The following RAP1B variants were observed in gnomAD, a reference collection of about 807,000 sequenced individuals.
RAP1B encodes RAP1B, member of RAS oncogene family.
A neutral mutation model predicts 27.5 loss-of-function variants in RAP1B; 1 was observed. The ratio of observed to expected loss-of-function variants is 0.04; its 90% CI spans 0.01 to 0.17. The LOEUF is 0.17. Ranked by LOEUF, RAP1B falls within the 10% of genes least tolerant of loss-of-function variation. RAP1B has a pLI of 1.00. For missense variants in RAP1B, 84 were observed against 214.8 expected, an observed-to-expected ratio of 0.39 and a Z score of 3.81; for synonymous variants, 75 against 73.1, an observed-to-expected ratio of 1.03 and a Z score of -0.13.
chr12:68,629,933 C>T (rs570056555), intron 1 of RAP1B, among the ~76,000 whole-genome samples: 2 of 152,300 alleles, frequency 1.3e-5, no homozygotes, highest in African/African-American at 2.4e-5. Flanking sequence ...CATCAGACAA[C>T]AGTGCTAGAT....
chr12:68,636,483 A>G (rs568288188), intron 1 of RAP1B, among the ~76,000 whole-genome samples: 38 of 152,300 alleles, frequency 2.5e-4, no homozygotes, highest in African/African-American at 8.4e-4. Context: ...GATAGAGTGC[A>G]GTAATGCAGT....
At chr12:68,617,637 A>G (rs1045048544) in intron 1 of RAP1B, among the ~76,000 whole-genome samples, 4 of 152,240 alleles carry the variant, frequency 2.6e-5, no homozygotes, top group African/African-American at 7.2e-5. Context: ...CAAAATGTGT[A>G]CTTTCCTTCT....
chr12:68,620,915 CTG>C (rs1273633929), intron 1 of RAP1B, among the ~76,000 whole-genome samples: 20 of 152,252 alleles, frequency 1.3e-4, no homozygotes, highest in Middle Eastern at 6.8e-3. Context: ...GATTTTTAGA[CTG>C]TGTTTGGATC....
intron 7 of RAP1B, chr12:68,657,856 TTCA>T (rs943771165): frequency 1.3e-5 from 2 of 155,140 alleles, no homozygotes; most frequent in Non-Finnish European, 2.8e-5. Flanking sequence ...CCCTGACATG[TTCA>T]TCATGTGCCA....
intron 1 of RAP1B, among the ~76,000 whole-genome samples, chr12:68,627,645 A>G (rs1871906401): frequency 6.6e-6 from 1 of 152,170 alleles, no homozygotes; most frequent in Non-Finnish European, 1.5e-5. Flanking sequence ...AATGTGACCC[A>G]TACCAGCCAA....
chr12:68,627,173 G>C (rs192673394), intron 1 of RAP1B: 1 of 1,557,402 alleles, frequency 6.4e-7, no homozygotes, highest in East Asian at 2.2e-5. Flanking sequence ...CACCTCGCAT[G>C]CCTGTTTGGA....
At chr12:68,638,335 ATGTCCG>A (rs976522139) in intron 1 of RAP1B, among the ~76,000 whole-genome samples, 16 of 152,126 alleles carry the variant, frequency 1.1e-4, no homozygotes, top group Non-Finnish European at 2.1e-4. Flanking sequence ...AGAGGATGTC[ATGTCCG>A]TGCCCTAATT....
chr12:68,638,658 C>CT (rs1872787252), intron 1 of RAP1B, among the ~76,000 whole-genome samples: 1 of 151,786 alleles, frequency 6.6e-6, no homozygotes, highest in African/African-American at 2.4e-5. Flanking sequence ...ATTAAGGAAT[C>CT]TAACTTTTTT....
chr12:68,658,583 C>A (rs1183185252), intron 7 of RAP1B, among the ~76,000 whole-genome samples: 1 of 152,192 alleles, frequency 6.6e-6, no homozygotes, highest in Admixed American at 6.5e-5. Flanking sequence ...ATTCAAAGTA[C>A]ATATTTAACA....
intron 1 of RAP1B, among the ~76,000 whole-genome samples, chr12:68,618,717 A>G (rs1871191344): frequency 6.6e-6 from 1 of 151,884 alleles, no homozygotes; most frequent in African/African-American, 2.4e-5. Context: ...TAATCATTGT[A>G]TTATTCACTG....
chr12:68,642,966 T>C (rs1873127497), intron 1 of RAP1B: 1 of 827,694 alleles, frequency 1.2e-6, no homozygotes, highest in Non-Finnish European at 2.2e-6. Context: ...CAGTCAGTGG[T>C]TTTTAGAGCA....
chr12:68,624,021 A>AG (rs1491233054), intron 1 of RAP1B, among the ~76,000 whole-genome samples: 10 of 150,654 alleles, frequency 6.6e-5, no homozygotes, highest in African/African-American at 9.8e-5. Flanking sequence ...ACTCTATCTC[A>AG]GGGAAAAAAA....
intron 5 of RAP1B, among the ~76,000 whole-genome samples, 171 bp from the exon 6 acceptor site, chr12:68,656,135 T>C (rs546065724): frequency 1.4e-4 from 22 of 152,348 alleles, no homozygotes; most frequent in Middle Eastern, 3.4e-3. Context: ...TTAATACTTA[T>C]GTTTATGTTA....
chr12:68,637,470 A>ACC (rs1287918117), intron 1 of RAP1B, among the ~76,000 whole-genome samples: 1 of 151,754 alleles, frequency 6.6e-6, no homozygotes, highest in African/African-American at 2.4e-5. Context: ...GGTGGCACGC[A>ACC]CCTGTAATCC....
intron 1 of RAP1B, among the ~76,000 whole-genome samples, chr12:68,622,461 CT>C (rs1871452701): frequency 6.6e-6 from 1 of 152,204 alleles, no homozygotes; most frequent in East Asian, 1.9e-4. Context: ...TACTTCACAA[CT>C]TTATCCCCAT....
At chr12:68,631,727 C>G (rs1872251131) in intron 1 of RAP1B, among the ~76,000 whole-genome samples, 1 of 152,052 alleles carries the variant, frequency 6.6e-6, no homozygotes. Flanking sequence ...CCACCCTCTT[C>G]ATAAATCTGA....
At chr12:68,620,809 A>C (rs1243320758) in intron 1 of RAP1B, among the ~76,000 whole-genome samples, 2 of 152,068 alleles carry the variant, frequency 1.3e-5, no homozygotes, top group African/African-American at 2.4e-5. Flanking sequence ...GCTGGTGTCA[A>C]ACTCCTTGGC....
At chr12:68,644,261 AG>A (rs1389986434) in intron 1 of RAP1B, among the ~76,000 whole-genome samples, 2 of 152,102 alleles carry the variant, frequency 1.3e-5, no homozygotes, top group African/African-American at 4.8e-5. Context: ...ATTGACATGG[AG>A]GGTTCTTACA....
chr12:68,635,260 T>C (rs1316190288), intron 1 of RAP1B, among the ~76,000 whole-genome samples: 1 of 152,206 alleles, frequency 6.6e-6, no homozygotes, highest in Non-Finnish European at 1.5e-5. Flanking sequence ...TCTGTCATTG[T>C]GTTAAACAGA....
Sources: gnomAD v4.1 joint callset for allele counts (sites outside exome capture counted in the v4.1 genomes callset) on GRCh38, gnomAD v4.1.1 for gene constraint, MANE v1.5 for transcripts, NCBI Gene and HGNC (gene_info 2026-07-23, HGNC 2026-07-21) for gene names.